The following GABRB1 variants were observed in gnomAD, a reference collection of about 807,000 sequenced individuals.
GABRB1 encodes gamma-aminobutyric acid receptor subunit beta-1.
Under a neutral mutation model 51.6 loss-of-function variants are expected in GABRB1, and 17 were observed. The ratio of observed to expected loss-of-function variants is 0.33; its 90% confidence interval spans 0.23 to 0.49. The LOEUF (loss-of-function observed/expected upper bound fraction) is 0.49, where lower values mean the gene tolerates loss of function less well. Among genes scored for constraint, GABRB1 ranks in the 20% least tolerant of loss-of-function variants. GABRB1 has a pLI of 0.99. For missense variants in GABRB1, 410 were observed against 600.6 expected, an observed-to-expected ratio of 0.68 and a Z score of 3.32; for synonymous variants, 247 against 218.9, an observed-to-expected ratio of 1.13 and a Z score of -1.14.
chr4:47,314,455 C>A (rs1231002575), intron 4 of GABRB1, among the ~76,000 whole-genome samples: 2 of 151,852 alleles, frequency 1.3e-5, no homozygotes, highest in South Asian at 4.1e-4. Flanking sequence ...CAATGCATGT[C>A]CTGATTTAAT....
intron 5 of GABRB1, among the ~76,000 whole-genome samples, chr4:47,376,961 T>C (rs1017891954): frequency 6.6e-6 from 1 of 152,246 alleles, no homozygotes; most frequent in Non-Finnish European, 1.5e-5. Context: ...TATAACATTT[T>C]GTATAGCCCT....
At chr4:47,284,770 G>A (rs1390610032) in intron 4 of GABRB1, among the ~76,000 whole-genome samples, 2 of 152,098 alleles carry the variant, frequency 1.3e-5, no homozygotes, top group Non-Finnish European at 2.9e-5. Context: ...GACTGTGCAA[G>A]CACAAAACAA....
At chr4:47,020,698 C>T (rs529815019) in intron 1 of GABRB1, among the ~76,000 whole-genome samples, 32 of 152,272 alleles carry the variant, frequency 2.1e-4, no homozygotes, top group Non-Finnish European at 4.1e-4. Context: ...ACCTCTACTA[C>T]CACTATAATT....
chr4:47,067,994 C>T (rs1471250348), intron 3 of GABRB1, among the ~76,000 whole-genome samples: 2 of 152,122 alleles, frequency 1.3e-5, no homozygotes, highest in Non-Finnish European at 2.9e-5. Context: ...GTTTTCTGTT[C>T]CTGCATTAGT....
chr4:47,325,854 T>C (rs1725239830), intron 5 of GABRB1, among the ~76,000 whole-genome samples: 1 of 152,222 alleles, frequency 6.6e-6, no homozygotes. Context: ...TGAAAGTTTG[T>C]ATCCCTCAAA....
rs866822032 is a variant in GABRB1, at chr4:46,998,549, T to A, written c.-20+4623T>A. 3.3e-5 allele frequency among the ~76,000 whole-genome samples: 5 copies of A among 151,914 alleles called. No homozygotes were observed. In the South Asian group the frequency reaches 6.2e-4, roughly 19 times the overall value. On this transcript the variant is annotated intron_variant, in intron 1 of 3. Transcript: ENST00000513567. ...GAGATGGAGACCACCCTGGCTAACA[T>A]GCCGAAACCCCGTCTCTACTAAAAA...
At chr4:47,195,884 A>G (rs1454480107) in intron 4 of GABRB1, among the ~76,000 whole-genome samples, 2 of 152,210 alleles carry the variant, frequency 1.3e-5, no homozygotes, top group Non-Finnish European at 2.9e-5. Flanking sequence ...TTCAGTGCCA[A>G]ATTCTGCCAG....
At chr4:47,138,194 C>T (rs17539014) in intron 3 of GABRB1, among the ~76,000 whole-genome samples, 1 of 151,718 alleles carries the variant, frequency 6.6e-6, no homozygotes, top group Non-Finnish European at 1.5e-5. Context: ...GCAAATTTGC[C>T]CATTTAGGCT....
chr4:47,059,003 C>T (rs1235981964), intron 3 of GABRB1, among the ~76,000 whole-genome samples: 2 of 152,148 alleles, frequency 1.3e-5, no homozygotes, highest in African/African-American at 4.8e-5. Context: ...AACTAATTAA[C>T]TGATAGTCAA....
chr4:47,254,901 C>T (rs1722142231), intron 4 of GABRB1, among the ~76,000 whole-genome samples: 1 of 152,118 alleles, frequency 6.6e-6, no homozygotes, highest in African/African-American at 2.4e-5. Flanking sequence ...TTTTAATGAA[C>T]TAGTTGGTCA....
At chr4:47,145,549 A>T (rs1717129479) in intron 3 of GABRB1, among the ~76,000 whole-genome samples, 1 of 152,084 alleles carries the variant, frequency 6.6e-6, no homozygotes, top group Non-Finnish European at 1.5e-5. Flanking sequence ...GGAGAGAGAG[A>T]GAGAGATTGT....
At chr4:47,135,092 T>G (rs1280759577) in intron 3 of GABRB1, among the ~76,000 whole-genome samples, 1 of 152,062 alleles carries the variant, frequency 6.6e-6, no homozygotes, top group Admixed American at 6.5e-5. Context: ...TGAACTCCAG[T>G]GTGGGCAACA....
At chr4:47,123,296 TATA>T (rs1000164466) in intron 3 of GABRB1, among the ~76,000 whole-genome samples, 14 of 139,500 alleles carry the variant, frequency 1.0e-4, no homozygotes, top group African/African-American at 2.9e-4. Flanking sequence ...TATGATTATA[TATA>T]ATATGTATTA....
At chr4:47,274,184 C>T (rs1363044439) in intron 4 of GABRB1, among the ~76,000 whole-genome samples, 1 of 152,058 alleles carries the variant, frequency 6.6e-6, no homozygotes, top group African/African-American at 2.4e-5. Context: ...TACACTTAAC[C>T]TTATTAAGAC....
intron 1 of GABRB1, among the ~76,000 whole-genome samples, chr4:47,001,594 G>T (rs967342798): frequency 1.3e-5 from 2 of 152,182 alleles, no homozygotes; most frequent in African/African-American, 2.4e-5. Flanking sequence ...TGACCTCCCA[G>T]AAGAGGGAAT....
rs956477279 is a variant in GABRB1, at chr4:47,377,192, G to A, written c.545-26126G>A. Among the ~76,000 whole-genome samples the A allele has an allele frequency of 3.3e-5, 5 of 152,136 alleles. No homozygotes were observed. In the East Asian group the frequency reaches 7.7e-4, roughly 23 times the overall value. On this transcript the variant is annotated intron_variant, in intron 5 of 8. Coordinates refer to ENST00000295454, the MANE Select transcript of GABRB1 (RefSeq NM_000812.4). ...GAGTTTTGCTCTTGTTGCCCAGGCTGGAGTGCAGTGGCACAATATCCGCTC... is the reference window on the plus strand; with the variant it reads ...GAGTTTTGCTCTTGTTGCCCAGGCTAGAGTGCAGTGGCACAATATCCGCTC...
At chr4:47,087,349 A>T (rs1313744336) in intron 3 of GABRB1, among the ~76,000 whole-genome samples, 1 of 152,090 alleles carries the variant, frequency 6.6e-6, no homozygotes, top group Non-Finnish European at 1.5e-5. Context: ...AACATTGTAT[A>T]TAATATTACC....
At chr4:47,055,499 G>A (rs1038595951) in intron 3 of GABRB1, among the ~76,000 whole-genome samples, 5 of 152,108 alleles carry the variant, frequency 3.3e-5, no homozygotes, top group South Asian at 2.1e-4. Flanking sequence ...GCACTTTGTC[G>A]AAATATTGTT....
chr4:47,275,764 T>C (rs1019509014), intron 4 of GABRB1, among the ~76,000 whole-genome samples: 5 of 152,248 alleles, frequency 3.3e-5, no homozygotes, highest in African/African-American at 1.2e-4. Flanking sequence ...GAATCTGCTA[T>C]AGAATGAAGC....
Sources: allele counts gnomAD v4.1 joint callset (sites outside exome capture counted in the v4.1 genomes callset), GRCh38; gene constraint gnomAD v4.1.1; transcripts MANE v1.5; gene names NCBI Gene and HGNC (gene_info 2026-07-23, HGNC 2026-07-21).